The following SAMD5 variants were observed in gnomAD, a reference collection of about 807,000 sequenced individuals.
The protein encoded by SAMD5 is sterile alpha motif domain-containing protein 5.
In SAMD5, 13 loss-of-function variants were observed where a neutral mutation model predicts 11.3. The ratio of observed to expected loss-of-function variants is 1.15; its 90% CI spans 0.75 to 1.83. The LOEUF is 1.83. Ranked by LOEUF, SAMD5 falls within the 40% of genes most tolerant of loss-of-function variation. SAMD5 has a pLI of 0.00. For missense variants in SAMD5, 255 were observed against 239.1 expected, an observed-to-expected ratio of 1.07 and a Z score of -0.44; for synonymous variants, 129 against 111.3, an observed-to-expected ratio of 1.16 and a Z score of -1.00.
chr6:147,657,881 T>C (rs1156868314), intron 1 of SAMD5, among the ~76,000 whole-genome samples: 1 of 152,344 alleles, frequency 6.6e-6, no homozygotes, highest in Non-Finnish European at 1.5e-5. Flanking sequence ...GATGTAAACA[T>C]ATGAATTTTG....
chr6:147,601,586 G>A (rs1048905157), intron 1 of SAMD5, among the ~76,000 whole-genome samples: 2 of 152,078 alleles, frequency 1.3e-5, no homozygotes, highest in African/African-American at 4.8e-5. Context: ...CGGAACACAC[G>A]TCCATGTACA....
the SAMD5 span, among the ~76,000 whole-genome samples, chr6:147,930,216 C>T: frequency 6.6e-6 from 1 of 152,168 alleles, no homozygotes; most frequent in African/African-American, 2.4e-5. Flanking sequence ...GATACCTCCT[C>T]TGCATGGCCT....
chr6:147,824,950 A>G, the SAMD5 span, among the ~76,000 whole-genome samples: 3 of 152,092 alleles, frequency 2.0e-5, no homozygotes, highest in Non-Finnish European at 4.4e-5. Flanking sequence ...TTGAACTTTT[A>G]TGGGACTAGT....
chr6:147,862,134 A>G, the SAMD5 span, among the ~76,000 whole-genome samples: 1 of 152,006 alleles, frequency 6.6e-6, no homozygotes, highest in East Asian at 1.9e-4. Flanking sequence ...CAGATAAGAG[A>G]TGGGATTTGT....
chr6:147,642,272 A>G (rs1304520687), intron 1 of SAMD5, among the ~76,000 whole-genome samples: 2 of 152,104 alleles, frequency 1.3e-5, no homozygotes, highest in Admixed American at 6.5e-5. Context: ...TGTTCTTTTC[A>G]TTCTACCTAT....
the SAMD5 span, among the ~76,000 whole-genome samples, chr6:147,777,825 T>A: frequency 1.4e-4 from 22 of 152,360 alleles, no homozygotes; most frequent in Non-Finnish European, 2.6e-4. Context: ...TTCACCATGT[T>A]GTAGCATGCA....
intron 1 of SAMD5, among the ~76,000 whole-genome samples, chr6:147,588,955 CATTATT>C (rs912672136): frequency 2.0e-5 from 3 of 151,524 alleles, no homozygotes; most frequent in African/African-American, 7.3e-5. Flanking sequence ...GTGGTCCTGG[CATTATT>C]ATTATTATTA....
the SAMD5 span, among the ~76,000 whole-genome samples, chr6:147,938,181 A>G: frequency 1.3e-5 from 2 of 152,170 alleles, no homozygotes; most frequent in East Asian, 3.8e-4. Flanking sequence ...TATATTCATC[A>G]CTAATCTATG....
chr6:147,691,843 T>G (rs929092333), intron 1 of SAMD5, among the ~76,000 whole-genome samples: 5 of 119,576 alleles, frequency 4.2e-5, no homozygotes, highest in African/African-American at 1.3e-4. Context: ...TTGCAGATAT[T>G]TAAGTACTAC....
the SAMD5 span, among the ~76,000 whole-genome samples, chr6:147,896,390 C>T: frequency 1.3e-5 from 2 of 151,898 alleles, no homozygotes; most frequent in Non-Finnish European, 2.9e-5. Context: ...TGGGGGAGCT[C>T]GGAGACAGGA....
intron 1 of SAMD5, among the ~76,000 whole-genome samples, chr6:147,649,382 C>A (rs569227046): frequency 2.1e-4 from 32 of 152,148 alleles, no homozygotes; most frequent in African/African-American, 7.7e-4. Flanking sequence ...AAAGATAAAA[C>A]CAAATATTCT....
intron 1 of SAMD5, among the ~76,000 whole-genome samples, chr6:147,649,357 A>C (rs1168187448): frequency 6.6e-6 from 1 of 152,212 alleles, no homozygotes; most frequent in East Asian, 1.9e-4. Context: ...GAATATTGGC[A>C]TGTTTCATAG....
the SAMD5 span, among the ~76,000 whole-genome samples, chr6:147,819,786 A>G: frequency 6.6e-6 from 1 of 152,206 alleles, no homozygotes; most frequent in East Asian, 1.9e-4. Flanking sequence ...TTGGGGCTCA[A>G]GGAGGTGACA....
chr6:147,680,766 T>C (rs1790929486), intron 1 of SAMD5, among the ~76,000 whole-genome samples: 1 of 152,150 alleles, frequency 6.6e-6, no homozygotes, highest in African/African-American at 2.4e-5. Flanking sequence ...ACATTGTTGG[T>C]CATATGGTTT....
chr6:147,863,714 A>G, the SAMD5 span, among the ~76,000 whole-genome samples: 306 of 151,794 alleles, frequency 2.0e-3, 1 homozygote, highest in Non-Finnish European at 9.7e-4. Context: ...ACCTGACATC[A>G]TAGTATCTTG....
At chr6:147,825,215 T>C in the SAMD5 span, among the ~76,000 whole-genome samples, 1 of 152,224 alleles carries the variant, frequency 6.6e-6, no homozygotes, top group East Asian at 1.9e-4. Context: ...GAGAATTGCT[T>C]GAACCTGGGA....
At chr6:147,589,214 C>G (rs1259206957) in intron 1 of SAMD5, among the ~76,000 whole-genome samples, 1 of 152,106 alleles carries the variant, frequency 6.6e-6, no homozygotes, top group African/African-American at 2.4e-5. Context: ...CTGCCTTGGC[C>G]TCCCAAAGTG....
At chr6:147,949,314 T>C in the SAMD5 span, among the ~76,000 whole-genome samples, 1 of 152,216 alleles carries the variant, frequency 6.6e-6, no homozygotes, top group Non-Finnish European at 1.5e-5. Context: ...TATTTAACTC[T>C]ATCCCCTTAA....
rs1195296488 is a variant in SAMD5 at position 147,663,784 on chromosome 6, T to A, written c.163-73533T>A. ...TTCAGCCTGGGTGAAAGAGCGAAAC[T>A]CTGTCTCAAAAAAAAAAAAAAAAAA... On this transcript the variant is annotated intron_variant, in intron 1 of 1. Coordinates refer to the SAMD5 transcript ENST00000566741. Among the ~76,000 whole-genome samples the A allele has an allele frequency of 8.9e-5, 7 of 79,058 alleles. No homozygotes were observed. The Admixed American group carries it at 1.1e-3, about 13-fold the overall frequency. The allele number at this position is 79,058 out of a possible 152,430, so 51.9% of individuals were successfully genotyped here.
Sources: allele counts gnomAD v4.1 joint callset (sites outside exome capture counted in the v4.1 genomes callset), GRCh38; gene constraint gnomAD v4.1.1; transcripts MANE v1.5; gene names NCBI Gene and HGNC (gene_info 2026-07-23, HGNC 2026-07-21).